Variants in ORC2 observed in about 807,000 individuals in gnomAD.
The protein encoded by ORC2 is origin recognition complex protein 2 homolog.
Under a neutral mutation model 77.7 loss-of-function variants are expected in ORC2, and 37 were observed. That is an observed-to-expected ratio of 0.48 (90% CI 0.37 to 0.63). The LOEUF is 0.63. Among genes scored for constraint, ORC2 ranks in the 20% least tolerant of loss-of-function variants. ORC2 has a pLI of 0.00. For missense variants in ORC2, 557 were observed against 661.9 expected (o/e 0.84, Z 1.74); for synonymous variants, 201 against 229.5 (o/e 0.88, Z 1.12).
rs543672135 is a variant in ORC2, at chr2:200,928,269, T to C, written c.918-1369A>G. Among the ~76,000 whole-genome samples the C allele has an allele frequency of 4.0e-5, 6 of 149,630 alleles. No individual in the cohort carries two copies. In the South Asian group the frequency reaches 1.0e-3, roughly 26 times the overall value. ...TACTTGGGAGGCTGAGGCAGGAGAA[T>C]TGCTTGAACCTGGGAGGTGGAGGTT... On this transcript the variant is annotated intron_variant, in intron 11 of 17. Transcript: ENST00000234296.
At chr2:200,919,336 T>G (rs2040716344) in intron 15 of ORC2, among the ~76,000 whole-genome samples, 1 of 152,190 alleles carries the variant, frequency 6.6e-6, no homozygotes, top group South Asian at 2.1e-4. Context: ...ACTAAAAGCT[T>G]CTTTCAACAG....
intron 5 of ORC2, 44 bp from the exon 6 acceptor site, chr2:200,942,821 T>C: frequency 8.5e-7 from 1 of 1,182,002 alleles, no homozygotes; most frequent in Non-Finnish European, 1.2e-6. Context: ...AGGACAACAG[T>C]AGATAAAGAG....
At chr2:200,938,394 C>T (rs2041086204) in intron 7 of ORC2, among the ~76,000 whole-genome samples, 1 of 152,088 alleles carries the variant, frequency 6.6e-6, no homozygotes, top group Non-Finnish European at 1.5e-5. Context: ...GGAACGGGCA[C>T]CCCTATGTAT....
Position 200,942,795 on chromosome 2 carries a change from T to C in ORC2, c.329-18A>G, listed in dbSNP as rs199787763. 311 of 1,501,304 alleles carry C rather than the reference T, an allele frequency of 2.1e-4. 2 individuals carry two copies. In the African/African-American group the frequency reaches 2.1e-3, roughly 10 times the overall value. The allele number at this position is 1,501,304 out of a possible 1,614,324, so 93.0% of individuals were successfully genotyped here. A position where few individuals can be genotyped will look rare whatever the true frequency, so the allele number is the denominator to read the frequency against. On this transcript the variant is annotated intron_variant, in intron 5 of 17. Transcript: ENST00000234296. ...TTCTGAAGCTGTAAACAAAGAAATA[T>C]ATAAAAACCTTTTAAAGGACAACAG...
chr2:200,917,352 A>G (rs756123253), intron 15 of ORC2, among the ~76,000 whole-genome samples: 4 of 152,008 alleles, frequency 2.6e-5, no homozygotes, highest in Non-Finnish European at 5.9e-5. Flanking sequence ...GATGGGGTCT[A>G]CGTTGCCCAG....
chr2:200,954,036 C>CTT (rs530284196), intron 4 of ORC2, among the ~76,000 whole-genome samples: 1 of 140,402 alleles, frequency 7.1e-6, no homozygotes, highest in Non-Finnish European at 1.6e-5. Flanking sequence ...CTTTCTTTTT[C>CTT]TTTTTTTTTT....
At position 200,942,220 on chromosome 2, in the gene ORC2, G is replaced by A. The variant is rs114898328; in HGVS notation, c.421+465C>T. ...AAAAAATGAAAAAAACAGAAATGTC[G>A]GCAAGTGACATTGGTGTTCAAAAAC... On this transcript the variant is annotated intron_variant, in intron 6 of 17. Transcript: ENST00000234296. Among the ~76,000 whole-genome samples, 1,163 of 152,000 alleles carry A rather than the reference G, an allele frequency of 7.7e-3. 10 individuals carry two copies. The highest frequency in any genetic ancestry group is 0.026 in the African/African-American group (1,080 of 41,458).
chr2:200,914,123 A>G, intron 15 of ORC2, 131 bp from the exon 16 acceptor site: 1 of 598,228 alleles, frequency 1.7e-6, no homozygotes, highest in Non-Finnish European at 2.9e-6. Flanking sequence ...CCTCCAAGGA[A>G]TATCATATCC....
At position 200,922,904 on chromosome 2, in the gene ORC2, A is replaced by AAT. The variant is rs1294801662; in HGVS notation, c.1148-1766_1148-1765insAT. Among the ~76,000 whole-genome samples the AAT allele has an allele frequency of 5.3e-5, 8 of 152,230 alleles. No individual in the cohort carries two copies. The East Asian group carries it at 1.5e-3, about 29-fold the overall frequency. On this transcript the variant is annotated intron_variant, in intron 13 of 17. Coordinates refer to ENST00000234296, the MANE Select transcript of ORC2 (RefSeq NM_006190.5). ...TTGAAAACTAAAGACAATTCAGAAAAACAAGGCAAAATTATTATAGGAATA... is the reference window on the plus strand; with the variant it reads ...TTGAAAACTAAAGACAATTCAGAAAAATACAAGGCAAAATTATTATAGGAATA...
intron 7 of ORC2, among the ~76,000 whole-genome samples, 164 bp from the exon 8 acceptor site, chr2:200,938,130 A>T (rs1355766809): frequency 6.6e-6 from 1 of 152,178 alleles, no homozygotes; most frequent in East Asian, 1.9e-4. Context: ...ATGGGTTCAA[A>T]CCATTCTCCT....
At chr2:200,917,545 CT>C (rs2040677342) in intron 15 of ORC2, among the ~76,000 whole-genome samples, 1 of 152,096 alleles carries the variant, frequency 6.6e-6, no homozygotes, top group African/African-American at 2.4e-5. Flanking sequence ...ACATTTGAGT[CT>C]TGTGGTGATG....
intron 1 of ORC2, among the ~76,000 whole-genome samples, chr2:200,962,417 G>C (rs2041597583): frequency 6.6e-6 from 1 of 152,158 alleles, no homozygotes; most frequent in Admixed American, 6.5e-5. Flanking sequence ...CTTTGAAAAA[G>C]AAGGTTGGAT....
intron 3 of ORC2, 49 bp downstream of exon 3, chr2:200,957,981 C>G: frequency 8.8e-7 from 1 of 1,137,806 alleles, no homozygotes; most frequent in Non-Finnish European, 1.3e-6. Context: ...TGAAATAATC[C>G]ATAAACATTA....
chr2:200,935,770 C>T lies in ORC2; in HGVS notation c.637G>A (p.Ala213Thr). The change falls in exon 9 of 18, where the codon GCT becomes ACT. Residue 213 changes from alanine (A) to threonine (T), a missense_variant. Ala to Thr is a moderately conservative substitution (Grantham distance 58). Coordinates refer to ENST00000234296, the MANE Select transcript of ORC2 (RefSeq NM_006190.5). ...NAVIFSQKIQAQNRVVSAPVG... is the reference protein window; with the variant it reads ...NAVIFSQKIQTQNRVVSAPVG... ...GGAGCTGAAACTACTCTATTCTGAG[C>T]TTGAATCTTTTGGCTGAATATGACT... 1.9e-6 allele frequency: 3 copies of T among 1,614,076 alleles called. No individual in the cohort carries two copies. The highest frequency in any genetic ancestry group is 2.5e-6 in the Non-Finnish European group (3 of 1,179,982).
intron 5 of ORC2, among the ~76,000 whole-genome samples, chr2:200,945,866 G>C (rs984975006): frequency 6.6e-6 from 1 of 151,826 alleles, no homozygotes; most frequent in African/African-American, 2.4e-5. Context: ...CAATGAACAC[G>C]GGAGTGCAGA....
intron 3 of ORC2, 118 bp from the exon 4 acceptor site, chr2:200,957,662 T>C (rs2041495518): frequency 2.7e-6 from 2 of 736,812 alleles, no homozygotes; most frequent in South Asian, 7.6e-5. Flanking sequence ...GAAAAAAGCT[T>C]TCTCTTTGAT....
chr2:200,913,627 A>G (rs2040589130), intron 16 of ORC2: 2 of 1,312,680 alleles, frequency 1.5e-6, no homozygotes, highest in Non-Finnish European at 1.9e-6. Flanking sequence ...GCCAAAGGGG[A>G]AGAAAATCTC....
At chr2:200,943,941 C>A (rs2041202158) in intron 5 of ORC2, among the ~76,000 whole-genome samples, 1 of 151,930 alleles carries the variant, frequency 6.6e-6, no homozygotes, top group Admixed American at 6.6e-5. Flanking sequence ...TCTAGGCATA[C>A]TTAAGGCTCA....
At chr2:200,953,112 CAAAA>C (rs768496100) in intron 4 of ORC2, among the ~76,000 whole-genome samples, 1 of 48,604 alleles carries the variant, frequency 2.1e-5, no homozygotes, top group Non-Finnish European at 4.2e-5. Flanking sequence ...GACCCTGTCT[CAAAA>C]AAAAAAAAAA....
Sources: gnomAD v4.1 joint callset for allele counts (sites outside exome capture counted in the v4.1 genomes callset) on GRCh38, gnomAD v4.1.1 for gene constraint, MANE v1.5 for transcripts, NCBI Gene and HGNC (gene_info 2026-07-23, HGNC 2026-07-21) for gene names.